RPS14: variants seen among roughly 807,000 people sequenced by gnomAD.
The protein encoded by RPS14 is ribosomal protein S14, also known as small ribosomal subunit protein uS11.
RPS14 carries 1 observed loss-of-function variant against 15.4 expected under a neutral mutation model. The ratio of observed to expected loss-of-function variants is 0.07; its 90% CI spans 0.02 to 0.31. The LOEUF (loss-of-function observed/expected upper bound fraction) is 0.31, where lower values mean the gene tolerates loss of function less well. Ranked by LOEUF, RPS14 falls within the 10% of genes least tolerant of loss-of-function variation. The probability of loss-of-function intolerance (pLI) is 1.00; values close to 1 mark genes in which losing one functional copy is unlikely to be tolerated. For synonymous variants in RPS14, 68 were observed against 74.4 expected, an observed-to-expected ratio of 0.91 and a Z score of 0.44; for missense variants, 69 against 205.5, an observed-to-expected ratio of 0.34 and a Z score of 4.06.
At chr5:150,447,073 T>C (rs1771121847) in intron 2 of RPS14, 110 bp from the exon 3 acceptor site, 5 of 1,332,656 alleles carry the variant, frequency 3.8e-6, no homozygotes, top group East Asian at 4.6e-5. Context: ...ATGATGGTCA[T>C]GGGCTCTGCC....
At chr5:150,445,823 T>C (rs955884415) in intron 3 of RPS14, 138 bp from the exon 4 acceptor site, 1 of 706,984 alleles carries the variant, frequency 1.4e-6, no homozygotes. Context: ...TACACAGTGG[T>C]TCACACCCAT....
At chr5:150,445,243 CTG>C (rs750425401) in intron 4 of RPS14, among the ~76,000 whole-genome samples, 2 of 152,172 alleles carry the variant, frequency 1.3e-5, no homozygotes, top group Non-Finnish European at 2.9e-5. Context: ...GCATGCCCAA[CTG>C]ATATTTAGTA....
intron 4 of RPS14, 44 bp from the exon 5 acceptor site, chr5:150,444,397 G>A: frequency 6.4e-7 from 1 of 1,569,218 alleles, no homozygotes; most frequent in East Asian, 2.3e-5. Flanking sequence ...AGCTGGATGG[G>A]AAGGGCCCCC....
chr5:150,444,767 C>G (rs932158385), intron 4 of RPS14: 5 of 407,062 alleles, frequency 1.2e-5, no homozygotes, highest in African/African-American at 2.1e-5. Context: ...GCCTGTAATC[C>G]TAGCACTTTG....
chr5:150,448,984 T>C (rs1232548866), intron 1 of RPS14: 2 of 152,230 alleles, frequency 1.3e-5, no homozygotes, highest in African/African-American at 2.4e-5. Flanking sequence ...GGCTCCAGCA[T>C]ATCTCAAATA....
Position 150,444,197 on chromosome 5 carries a change from A to G in RPS14, c.*89T>C. 6.6e-7 allele frequency: 1 copy of G among 1,515,730 alleles called. No individual in the cohort carries two copies. The highest frequency in any genetic ancestry group is 1.2e-5 in the South Asian group (1 of 80,564). The allele number at this position is 1,515,730 out of a possible 1,614,324, so 93.9% of individuals were successfully genotyped here. On this transcript the variant is annotated 3_prime_UTR_variant, in exon 5 of 5. Transcript: ENST00000407193. ...ATAGGAGGAAGAAATCAAATGCCTG[A>G]GTAGCCCCTGATGAAGGAGAGAAGG...
In RPS14 at chr5:150,446,650, G is replaced by A. The variant is rs1008972570; in HGVS notation, c.311+152C>T. ...GGGTGCTCAACACTGAGCTGCTGGGGGGTGTACACAGGAGCCAATTATTAA... is the reference window on the plus strand; with the variant it reads ...GGGTGCTCAACACTGAGCTGCTGGGAGGTGTACACAGGAGCCAATTATTAA... On this transcript the variant is annotated intron_variant, in intron 3 of 4. Coordinates refer to ENST00000407193, the MANE Select transcript of RPS14 (RefSeq NM_005617.4). This position sits in a 1 kb window ranked among gnomAD's most constrained non-coding sequence, Gnocchi z 4.2. The A allele has an allele frequency of 1.2e-5, 9 of 731,398 alleles. No homozygotes were observed. The highest frequency in any genetic ancestry group is 1.1e-4 in the East Asian group (4 of 37,242). 45.3% of individuals were successfully genotyped at this position (731,398 alleles called of 1,614,324 possible).
chr5:150,445,732 T>C, intron 3 of RPS14, 47 bp from the exon 4 acceptor site: 1 of 1,440,142 alleles, frequency 6.9e-7, no homozygotes, highest in South Asian at 1.2e-5. Context: ...GCCAAGTCAA[T>C]GGAAGATCTC....
At position 150,442,869 on chromosome 5, in the gene RPS14, TTTA is replaced by T. The variant is rs1770976941; in HGVS notation, c.*1414_*1416del. The stretch of plus-strand genomic sequence containing the variant: ...GTGTGCCACCATGCCCAGCTAATTT[TTTA>T]TTTTTTGTAGAGACGGGGTCTCCCT... On this transcript the variant is annotated 3_prime_UTR_variant, in exon 5 of 5. Transcript: ENST00000407193. 6.6e-6 allele frequency: 1 copy of T among 152,168 alleles called. No homozygotes were observed. The highest frequency in any genetic ancestry group is 6.5e-5 in the Admixed American group (1 of 15,270). The allele number at this position is 152,168 out of a possible 1,614,324, so 9.4% of individuals were successfully genotyped here.
At position 150,446,525 on chromosome 5, in the gene RPS14, C is replaced by G. The variant is rs1490303098; in HGVS notation, c.311+277G>C. Among the ~76,000 whole-genome samples, 1 of 152,158 alleles carries G rather than the reference C, an allele frequency of 6.6e-6. No homozygotes were observed. Among genetic ancestry groups the G allele is most frequent in the East Asian group, 1.9e-4 (1 of 5,194 alleles). On this transcript the variant is annotated intron_variant, in intron 3 of 4. Transcript: ENST00000407193. The surrounding 1 kb of genome is among the most constrained non-coding windows in gnomAD (Gnocchi z 4.2). Reference sequence around the variant, plus strand: ...TGGTGCTCTGTTGTTTAAAGTCTGACTCTCCCACCAGCCTCGGTCCCACAC... The same window carrying G: ...TGGTGCTCTGTTGTTTAAAGTCTGAGTCTCCCACCAGCCTCGGTCCCACAC...
At chr5:150,447,777 A>G (rs1350762959) in intron 1 of RPS14, 42 bp from the exon 2 acceptor site, 4 of 1,597,784 alleles carry the variant, frequency 2.5e-6, no homozygotes, top group Non-Finnish European at 3.4e-6. Flanking sequence ...CAGACAAAAC[A>G]TTTCCAGAAT....
intron 1 of RPS14, 32 bp from the exon 2 acceptor site, chr5:150,447,767 C>T: frequency 6.2e-7 from 1 of 1,604,750 alleles, no homozygotes; most frequent in Non-Finnish European, 8.5e-7. Context: ...TCAAGGTTAA[C>T]AGACAAAACA....
At chr5:150,447,203 G>A in intron 2 of RPS14, 1 of 551,850 alleles carries the variant, frequency 1.8e-6, no homozygotes, top group East Asian at 3.0e-5. Flanking sequence ...AGACATTACT[G>A]TCCTAATTTT....
intron 1 of RPS14, chr5:150,448,918 G>T (rs759722781): frequency 3.3e-5 from 5 of 152,240 alleles, no homozygotes; most frequent in South Asian, 2.1e-4. Context: ...GTTAACTATT[G>T]TAAGGAACGC....
Position 150,443,120 on chromosome 5 carries a change from C to A in RPS14, c.*1166G>T, listed in dbSNP as rs1581273965. Reference sequence around the variant, plus strand: ...AATCTCCTGTCCTTGACTTTCATGACTTTTAACAATTTAAGGAGTACTGTT... The same window carrying A: ...AATCTCCTGTCCTTGACTTTCATGAATTTTAACAATTTAAGGAGTACTGTT... On this transcript the variant is annotated 3_prime_UTR_variant, in exon 5 of 5. Transcript: ENST00000407193. 2 of 151,964 alleles carry A rather than the reference C, an allele frequency of 1.3e-5. No homozygotes were observed. Among genetic ancestry groups the A allele is most frequent in the East Asian group, 3.9e-4 (2 of 5,188 alleles). 9.4% of individuals were successfully genotyped at this position (151,964 alleles called of 1,614,324 possible). A position where few individuals can be genotyped will look rare whatever the true frequency, so the allele number is the denominator to read the frequency against.
At chr5:150,444,446 G>C (rs1771028534) in intron 4 of RPS14, 93 bp from the exon 5 acceptor site, 2 of 1,015,108 alleles carry the variant, frequency 2.0e-6, no homozygotes, top group Non-Finnish European at 3.0e-6. Flanking sequence ...ATCAGCAACA[G>C]ATCCTGCTGC....
At chr5:150,447,780 T>G in intron 1 of RPS14, 45 bp from the exon 2 acceptor site, 3 of 1,595,644 alleles carry the variant, frequency 1.9e-6, no homozygotes, top group Non-Finnish European at 2.6e-6. Context: ...ACAAAACATT[T>G]CCAGAATCCC....
rs1186654172 is a variant in RPS14, at chr5:150,445,590, G to A, written c.388+19C>T. The A allele has an allele frequency of 3.1e-6, 5 of 1,611,398 alleles. No homozygotes were observed. Among genetic ancestry groups the A allele is most frequent in the Non-Finnish European group, 4.2e-6 (5 of 1,177,660 alleles). ...TGCTTCAAAATAAACCCAAGCATTA[G>A]CTAGAGGGGGGCACTTACCAATCCG... On this transcript the variant is annotated intron_variant, in intron 4 of 4. Transcript: ENST00000407193.
chr5:150,444,120 T>G lies in RPS14; in HGVS notation c.*166A>C. On this transcript the variant is annotated 3_prime_UTR_variant, in exon 5 of 5. Transcript: ENST00000407193. ...CAAGTAGCATGGAAAAGACCCCAAA[T>G]GCAGCACCAGGATCTCAGCTCTCCT... The G allele has an allele frequency of 9.4e-7, 1 of 1,064,890 alleles. No homozygotes were observed. Among genetic ancestry groups the G allele is most frequent in the Non-Finnish European group, 1.3e-6 (1 of 785,508 alleles). The allele number at this position is 1,064,890 out of a possible 1,614,324, so 66.0% of individuals were successfully genotyped here. A position where few individuals can be genotyped will look rare whatever the true frequency, so the allele number is the denominator to read the frequency against.
Sources: gnomAD v4.1 joint callset for allele counts (sites outside exome capture counted in the v4.1 genomes callset) on GRCh38, gnomAD v4.1.1 for gene constraint, Gnocchi (gnomAD v3.1) non-coding constraint, MANE v1.5 for transcripts, NCBI Gene and HGNC (gene_info 2026-07-23, HGNC 2026-07-21) for gene names.